The following ZNF654 variants were observed in gnomAD, a reference collection of about 807,000 sequenced individuals.
ZNF654 encodes zinc finger protein 654, also known as melanoma-associated antigen.
Under a neutral mutation model 95.3 loss-of-function variants are expected in ZNF654, and 19 were observed. That is an observed-to-expected ratio of 0.20 (90% CI 0.14 to 0.29). ZNF654 has a LOEUF of 0.29. Ranked by LOEUF, ZNF654 falls within the 10% of genes least tolerant of loss-of-function variation. The probability of loss-of-function intolerance (pLI) is 1.00; values close to 1 mark genes in which losing one functional copy is unlikely to be tolerated. For synonymous variants in ZNF654, 413 were observed against 457.9 expected (o/e 0.90, Z 1.25); for missense variants, 1,046 against 1,341.0 (o/e 0.78, Z 3.44).
chr3:88,092,999 T>G (rs1576256183), intron 2 of ZNF654, among the ~76,000 whole-genome samples: 4 of 152,212 alleles, frequency 2.6e-5, no homozygotes, highest in Admixed American at 6.5e-5. Flanking sequence ...ATGTAGTGAA[T>G]TGTCTTAAAT....
chr3:88,062,871 T>G (rs574185335), intron 1 of ZNF654, among the ~76,000 whole-genome samples: 1 of 152,358 alleles, frequency 6.6e-6, no homozygotes, highest in Non-Finnish European at 1.5e-5. Context: ...CTATTAATAT[T>G]TCTCTCGTAA....
intron 1 of ZNF654, among the ~76,000 whole-genome samples, chr3:88,076,515 C>T (rs1276601862): frequency 6.6e-6 from 1 of 151,882 alleles, no homozygotes; most frequent in Non-Finnish European, 1.5e-5. Context: ...AATCAGTATG[C>T]CCTCCTTTTA....
intron 3 of ZNF654, among the ~76,000 whole-genome samples, chr3:88,117,140 G>A (rs889721783): frequency 1.3e-5 from 2 of 152,264 alleles, no homozygotes; most frequent in South Asian, 2.1e-4. Flanking sequence ...CAAATTGAAA[G>A]TACAGTGAAG....
At chr3:88,100,366 C>A (rs1046396237) in intron 2 of ZNF654, among the ~76,000 whole-genome samples, 4 of 152,198 alleles carry the variant, frequency 2.6e-5, no homozygotes, top group Non-Finnish European at 5.9e-5. Context: ...CACTTTTACA[C>A]TGTTGGTGGG....
At chr3:88,095,871 A>C in intron 2 of ZNF654, 2 of 450,898 alleles carry the variant, frequency 4.4e-6, no homozygotes, top group South Asian at 3.5e-5. Flanking sequence ...CAGATACTCC[A>C]CTTGCCACTT....
At chr3:88,094,632 C>T (rs1468830820) in intron 2 of ZNF654, among the ~76,000 whole-genome samples, 1 of 152,084 alleles carries the variant, frequency 6.6e-6, no homozygotes, top group Non-Finnish European at 1.5e-5. Context: ...CAGTTGACTA[C>T]AAGCTACTAT....
intron 3 of ZNF654, among the ~76,000 whole-genome samples, chr3:88,123,778 A>G (rs1203147240): frequency 3.3e-5 from 5 of 152,150 alleles, no homozygotes; most frequent in East Asian, 1.9e-4. Flanking sequence ...AAGCTCACCA[A>G]TGACTCAGGG....
intron 2 of ZNF654, among the ~76,000 whole-genome samples, chr3:88,090,169 T>C (rs1267600145): frequency 6.6e-6 from 1 of 152,228 alleles, no homozygotes; most frequent in African/African-American, 2.4e-5. Flanking sequence ...AAAGGTTAAC[T>C]GTAAAACAGC....
intron 3 of ZNF654, among the ~76,000 whole-genome samples, chr3:88,116,722 C>T (rs1386860591): frequency 6.6e-6 from 1 of 151,984 alleles, no homozygotes; most frequent in Non-Finnish European, 1.5e-5. Context: ...CCCCATTACC[C>T]AGAGGTAAGA....
chr3:88,090,584 G>A (rs1708580338), intron 2 of ZNF654, among the ~76,000 whole-genome samples: 2 of 150,446 alleles, frequency 1.3e-5, no homozygotes, highest in East Asian at 3.9e-4. Context: ...ATTTTTATAA[G>A]TGCGGTATAG....
chr3:88,108,997 A>G (rs1286150977), intron 2 of ZNF654, among the ~76,000 whole-genome samples: 5 of 152,110 alleles, frequency 3.3e-5, no homozygotes, highest in Admixed American at 6.6e-5. Context: ...GTTAAGATGG[A>G]AAAGGCGTTA....
At chr3:88,115,844 A>ATAT (rs1705356893) in intron 3 of ZNF654, among the ~76,000 whole-genome samples, 2 of 152,140 alleles carry the variant, frequency 1.3e-5, no homozygotes, top group Non-Finnish European at 1.5e-5. Context: ...TTCCCAATGA[A>ATAT]GTGACAAAAA....
rs1705501451 is a variant in ZNF654, at chr3:88,117,812, G to C, written c.414+4616G>C. On this transcript the variant is annotated intron_variant, in intron 3 of 8. Transcript: ENST00000636215. ...GCATCTATGCGGAAATAACTACAGG[G>C]TGGTGACATTTGTTAAGGGAGCAGT... is the stretch of plus-strand genomic sequence containing the variant. 2.6e-5 allele frequency among the ~76,000 whole-genome samples: 4 copies of C among 152,178 alleles called. No homozygotes were observed. The South Asian group carries it at 8.3e-4, about 32-fold the overall frequency.
At chr3:88,086,770 T>C (rs1319305694) in intron 2 of ZNF654, among the ~76,000 whole-genome samples, 1 of 152,096 alleles carries the variant, frequency 6.6e-6, no homozygotes, top group African/African-American at 2.4e-5. Context: ...AGGAAAATCC[T>C]GTTTGTTTGT....
intron 2 of ZNF654, among the ~76,000 whole-genome samples, chr3:88,105,793 A>T (rs1427189364): frequency 8.6e-5 from 13 of 151,946 alleles, no homozygotes; most frequent in Admixed American, 7.9e-4. Context: ...TCTTTTTTTC[A>T]TATCCTTTGG....
intron 2 of ZNF654, among the ~76,000 whole-genome samples, chr3:88,091,862 C>CTG (rs1708649911): frequency 6.6e-6 from 1 of 152,194 alleles, no homozygotes; most frequent in African/African-American, 2.4e-5. Flanking sequence ...CCATGTAGAA[C>CTG]TGTGAGTCCA....
At position 88,140,515 on chromosome 3, in the gene ZNF654, C is replaced by G; in HGVS notation, c.2846C>G (p.Thr949Ser). 1.2e-6 allele frequency: 2 copies of G among 1,613,736 alleles called. No individual in the cohort carries two copies. Among genetic ancestry groups the G allele is most frequent in the Non-Finnish European group, 1.7e-6 (2 of 1,179,750 alleles). ...AATGGAAACGAACGTTCTGATGACA[C>G]TGTTTCAAATATAAGCTTGATAGAC... is the stretch of plus-strand genomic sequence containing the variant. ...VQNGNERSDD[T>S]VSNISLIDQK... The change falls in exon 8 of 9, where the codon ACT (threonine) becomes AGT (serine). Residue 949 changes from threonine (T) to serine (S), a missense_variant. Thr to Ser is a moderately conservative substitution (Grantham distance 58). This residue lies in a region of ZNF654 where 495 missense variants were observed against 537.0 expected (regional missense o/e 0.92). Coordinates refer to ENST00000636215, the MANE Select transcript of ZNF654 (RefSeq NM_001350134.2).
chr3:88,080,339 GTTTTC>G (rs1210907535), intron 1 of ZNF654, among the ~76,000 whole-genome samples: 6 of 151,934 alleles, frequency 3.9e-5, no homozygotes, highest in African/African-American at 9.7e-5. Flanking sequence ...TAATTTTGTT[GTTTTC>G]TTTTCTTAAA....
rs569220717 is a variant in ZNF654 at position 88,112,290 on chromosome 3, T to C, written c.333-825T>C. ...TGTTTTGATTAAAAGCAAAAACTAT[T>C]AAAAAAACAACTTTAGGTAGTTACA... On this transcript the variant is annotated intron_variant, in intron 2 of 8. Coordinates refer to ENST00000636215, the MANE Select transcript of ZNF654 (RefSeq NM_001350134.2). Among the ~76,000 whole-genome samples, 20 of 151,484 alleles carry C rather than the reference T, an allele frequency of 1.3e-4. No individual in the cohort carries two copies. The East Asian group carries it at 3.9e-3, about 29-fold the overall frequency.
Sources: allele counts gnomAD v4.1 joint callset (sites outside exome capture counted in the v4.1 genomes callset), GRCh38; gene constraint gnomAD v4.1.1; regional missense constraint gnomAD v4.1.1; transcripts MANE v1.5; gene names NCBI Gene and HGNC (gene_info 2026-07-23, HGNC 2026-07-21).